The following PTPRK variants were observed in gnomAD, a reference collection of about 807,000 sequenced individuals.
PTPRK encodes protein tyrosine phosphatase receptor type K, also known as receptor-type tyrosine-protein phosphatase kappa.
Under a neutral mutation model 178.0 loss-of-function variants are expected in PTPRK, and 75 were observed. The observed-to-expected ratio is 0.42, with a 90% CI of 0.35 to 0.51. The LOEUF (loss-of-function observed/expected upper bound fraction) is 0.51, where lower values mean the gene tolerates loss of function less well. Among genes scored for constraint, PTPRK ranks in the 20% least tolerant of loss-of-function variants. The pLI is 0.02. For synonymous variants in PTPRK, 637 were observed against 620.6 expected, an observed-to-expected ratio of 1.03 and a Z score of -0.39; for missense variants, 1,441 against 1,797.8, an observed-to-expected ratio of 0.80 and a Z score of 3.59.
rs148089144 is a variant in PTPRK, at chr6:128,285,384, G to A, written c.495+36655C>T. Among the ~76,000 whole-genome samples, 900 of 152,036 alleles carry A rather than the reference G, an allele frequency of 5.9e-3. 12 individuals are homozygous for A. The highest frequency in any genetic ancestry group is 0.021 in the African/African-American group (860 of 41,444). On this transcript the variant is annotated intron_variant, in intron 3 of 29. Coordinates refer to ENST00000368226, the MANE Select transcript of PTPRK (RefSeq NM_002844.4). ...ACAAAAATTAGCCAGGCACGGTCACGGGTGCTTGTAATCCCAGCTACTTTG... is the reference window on the plus strand; with the variant it reads ...ACAAAAATTAGCCAGGCACGGTCACAGGTGCTTGTAATCCCAGCTACTTTG...
chr6:128,083,819 C>A lies in PTPRK; in HGVS notation c.1471G>T (p.Gly491Cys). The change falls in exon 9 of 30, where the codon GGT (glycine) becomes TGT (cysteine). Residue 491 changes from glycine to cysteine, a missense_variant. Coordinates refer to ENST00000368226, the MANE Select transcript of PTPRK (RefSeq NM_002844.4). ...TIIQTDEDVPGPVPVKSLQGT... is the reference protein window; with the variant it reads ...TIIQTDEDVPCPVPVKSLQGT... ...TGAAGAGATTTTACTGGTACGGGACCAGGCACTACAAAACACATGAATTTT... is the reference window on the plus strand; with the variant it reads ...TGAAGAGATTTTACTGGTACGGGACAAGGCACTACAAAACACATGAATTTT... The A allele has an allele frequency of 6.4e-7, 1 of 1,563,002 alleles. No homozygotes were observed. Among genetic ancestry groups the A allele is most frequent in the South Asian group, 1.2e-5 (1 of 83,090 alleles).
At chr6:128,234,177 A>T (rs1312300414) in intron 5 of PTPRK, among the ~76,000 whole-genome samples, 1 of 152,238 alleles carries the variant, frequency 6.6e-6, no homozygotes, top group Non-Finnish European at 1.5e-5. Context: ...TAGGCTAATG[A>T]TTACAAATTA....
intron 5 of PTPRK, among the ~76,000 whole-genome samples, chr6:128,228,743 A>G (rs1330831244): frequency 6.6e-6 from 1 of 152,036 alleles, no homozygotes; most frequent in Non-Finnish European, 1.5e-5. Context: ...ATAATGAAAG[A>G]AAATACCACA....
chr6:128,009,026 C>T, intron 14 of PTPRK, 104 bp downstream of exon 14: 1 of 1,056,424 alleles, frequency 9.5e-7, no homozygotes, highest in East Asian at 2.6e-5. Context: ...TTAAAATTTT[C>T]TTCCTGTTGT....
intron 3 of PTPRK, among the ~76,000 whole-genome samples, chr6:128,310,524 C>T (rs1827081197): frequency 6.6e-6 from 1 of 152,104 alleles, no homozygotes; most frequent in Admixed American, 6.5e-5. Context: ...ACAACTCAGG[C>T]CCATAGCTAA....
At chr6:127,992,109 A>C (rs1776675533) in intron 19 of PTPRK, among the ~76,000 whole-genome samples, 1 of 151,802 alleles carries the variant, frequency 6.6e-6, no homozygotes, top group African/African-American at 2.4e-5. Flanking sequence ...ATAACTACAG[A>C]TGCTTTTTTT....
intron 1 of PTPRK, among the ~76,000 whole-genome samples, chr6:128,510,878 A>T (rs1857077445): frequency 6.6e-6 from 1 of 152,038 alleles, no homozygotes; most frequent in South Asian, 2.1e-4. Context: ...TATAGTATAC[A>T]TTAATATATG....
intron 1 of PTPRK, among the ~76,000 whole-genome samples, chr6:128,415,071 G>T (rs982284052): frequency 6.6e-6 from 1 of 152,124 alleles, no homozygotes; most frequent in African/African-American, 2.4e-5. Flanking sequence ...AGCAACAGGG[G>T]TCTTAATGAC....
chr6:128,405,617 CTTTGT>C (rs1014883995), intron 1 of PTPRK, among the ~76,000 whole-genome samples: 4 of 152,078 alleles, frequency 2.6e-5, no homozygotes, highest in Non-Finnish European at 4.4e-5. Flanking sequence ...TTAAACATAT[CTTTGT>C]TTTGTTTTGT....
Position 128,396,345 on chromosome 6 carries a change from T to C in PTPRK, c.223+1221A>G, listed in dbSNP as rs562216460. On this transcript the variant is annotated intron_variant, in intron 2 of 29. Coordinates refer to ENST00000368226, the MANE Select transcript of PTPRK (RefSeq NM_002844.4). ...ATAATAGCATAATGATAATATATTA[T>C]ATATACATAACTATATATAATATAT... is the stretch of plus-strand genomic sequence containing the variant. 2.7e-3 allele frequency among the ~76,000 whole-genome samples: 396 copies of C among 148,496 alleles called. 6 individuals carry two copies. Among genetic ancestry groups the C allele is most frequent in the Non-Finnish European group, 2.1e-3 (143 of 67,308 alleles).
chr6:128,406,983 C>G (rs1364150634), intron 1 of PTPRK, among the ~76,000 whole-genome samples: 1 of 152,128 alleles, frequency 6.6e-6, no homozygotes, highest in Non-Finnish European at 1.5e-5. Flanking sequence ...TGGATCTCAC[C>G]AAGATTCAGG....
At chr6:128,197,424 T>C (rs576168502) in intron 6 of PTPRK, among the ~76,000 whole-genome samples, 4 of 152,222 alleles carry the variant, frequency 2.6e-5, no homozygotes, top group African/African-American at 9.6e-5. Flanking sequence ...ATCAGAGAAG[T>C]ATACTAGATG....
chr6:128,053,682 T>A (rs1779435386), intron 13 of PTPRK, among the ~76,000 whole-genome samples: 1 of 152,056 alleles, frequency 6.6e-6, no homozygotes, highest in South Asian at 2.1e-4. Context: ...CCACCCACCG[T>A]CCCCATGAAG....
intron 3 of PTPRK, among the ~76,000 whole-genome samples, chr6:128,290,970 A>T (rs921528715): frequency 6.6e-6 from 1 of 152,082 alleles, no homozygotes; most frequent in African/African-American, 2.4e-5. Context: ...AAATTAAAAG[A>T]TAATGTAGTA....
intron 5 of PTPRK, among the ~76,000 whole-genome samples, chr6:128,232,811 G>T (rs1812527696): frequency 6.6e-6 from 1 of 152,192 alleles, no homozygotes; most frequent in African/African-American, 2.4e-5. Flanking sequence ...AAGTGTGTCA[G>T]CCATTCTTAA....
chr6:128,190,978 G>T (rs552020520), intron 6 of PTPRK, among the ~76,000 whole-genome samples: 43 of 152,236 alleles, frequency 2.8e-4, no homozygotes, highest in Non-Finnish European at 5.4e-4. Context: ...ATGAAAATTC[G>T]ATTGGTGTCT....
intron 1 of PTPRK, among the ~76,000 whole-genome samples, chr6:128,443,807 G>C (rs1054805896): frequency 6.6e-6 from 1 of 152,138 alleles, no homozygotes; most frequent in East Asian, 1.9e-4. Flanking sequence ...TATGGAAAGA[G>C]TGAAAGTTTC....
rs533664635 is a variant in PTPRK at position 128,416,438 on chromosome 6, G to A, written c.101-18750C>T. 4.0e-5 allele frequency among the ~76,000 whole-genome samples: 6 copies of A among 151,362 alleles called. No individual in the cohort carries two copies. In the East Asian group the frequency reaches 9.8e-4, roughly 25 times the overall value. On this transcript the variant is annotated intron_variant, in intron 1 of 29. Coordinates refer to ENST00000368226, the MANE Select transcript of PTPRK (RefSeq NM_002844.4). ...AGGCGGATCACGAGGTCAGGAGATC[G>A]AGACCATCCTGGCTAACACGGTGAA... is the stretch of plus-strand genomic sequence containing the variant.
At position 128,084,121 on chromosome 6, in the gene PTPRK, T is replaced by C. The variant is rs548721090; in HGVS notation, c.1466-297A>G. 3.3e-5 allele frequency among the ~76,000 whole-genome samples: 5 copies of C among 152,262 alleles called. No homozygotes were observed. In the South Asian group the frequency reaches 1.0e-3, roughly 31 times the overall value. The stretch of plus-strand genomic sequence containing the variant: ...GCATAAATTATGTAGTCTAGTTTCC[T>C]CTGTTGTATACCTCTAATAACGTGA... On this transcript the variant is annotated intron_variant, in intron 8 of 29. Transcript: ENST00000368226.
Sources: gnomAD v4.1 joint callset for allele counts (sites outside exome capture counted in the v4.1 genomes callset) on GRCh38, gnomAD v4.1.1 for gene constraint, MANE v1.5 for transcripts, NCBI Gene and HGNC (gene_info 2026-07-23, HGNC 2026-07-21) for gene names.